SLC17A4: variants seen among roughly 807,000 people sequenced by gnomAD.
SLC17A4 encodes the protein probable small intestine urate exporter.
In SLC17A4, 33 loss-of-function variants were observed where a neutral mutation model predicts 52.5. The ratio of observed to expected loss-of-function variants is 0.63; its 90% CI spans 0.48 to 0.84. The LOEUF (loss-of-function observed/expected upper bound fraction) is 0.84. Among genes scored for constraint, SLC17A4 ranks in the 40% least tolerant of loss-of-function variants. The pLI is 0.00. For missense variants in SLC17A4, 585 were observed against 597.1 expected, an observed-to-expected ratio of 0.98 and a Z score of 0.21; for synonymous variants, 225 against 216.2, an observed-to-expected ratio of 1.04 and a Z score of -0.36.
intron 1 of SLC17A4, among the ~76,000 whole-genome samples, 152 bp downstream of exon 1, chr6:25,754,933 G>A (rs1253946137): frequency 1.3e-5 from 2 of 151,974 alleles, no homozygotes; most frequent in Non-Finnish European, 2.9e-5. Context: ...GATAATTCTG[G>A]TAAGTGAGAA....
intron 2 of SLC17A4, among the ~76,000 whole-genome samples, chr6:25,765,060 T>C (rs905105978): frequency 6.6e-6 from 1 of 152,168 alleles, no homozygotes; most frequent in Non-Finnish European, 1.5e-5. Flanking sequence ...TGGGTGGCCC[T>C]GTGCAGGGGT....
chr6:25,757,378 G>C (rs1000781618), intron 1 of SLC17A4, among the ~76,000 whole-genome samples: 3 of 151,690 alleles, frequency 2.0e-5, no homozygotes, highest in African/African-American at 7.3e-5. Context: ...CATCTGCTTG[G>C]TGCTGTAACT....
At chr6:25,767,293 T>C (rs750899212) in intron 2 of SLC17A4, among the ~76,000 whole-genome samples, 1 of 152,244 alleles carries the variant, frequency 6.6e-6, no homozygotes, top group Middle Eastern at 3.4e-3. Context: ...GCAAAATACA[T>C]CATGTTTTTA....
chr6:25,777,026 T>C (rs1056939222), intron 10 of SLC17A4, 67 bp downstream of exon 10: 10 of 1,511,688 alleles, frequency 6.6e-6, no homozygotes, highest in Admixed American at 2.1e-5. Flanking sequence ...AAATCTACTC[T>C]GATGTGAAAG....
intron 1 of SLC17A4, among the ~76,000 whole-genome samples, chr6:25,761,262 G>A (rs1343208309): frequency 6.6e-6 from 1 of 152,306 alleles, no homozygotes; most frequent in African/African-American, 2.4e-5. Flanking sequence ...AAGGGGAAGA[G>A]CCTCTGTAAC....
chr6:25,779,670 G>T lies in SLC17A4; in HGVS notation c.*482G>T, dbSNP rs1004011611. On this transcript the variant is annotated 3_prime_UTR_variant, in exon 12 of 12. Transcript: ENST00000377905. The stretch of plus-strand genomic sequence containing the variant: ...TTCCATCATGATAAGAGGAATGAAC[G>T]TGTCTGCAACTAATGGGAGCAAGAT... 1 of 153,798 alleles carries T rather than the reference G, an allele frequency of 6.5e-6. No individual in the cohort carries two copies. The highest frequency in any genetic ancestry group is 2.4e-5 in the African/African-American group (1 of 41,458). The allele number at this position is 153,798 out of a possible 1,614,324, so 9.5% of individuals were successfully genotyped here.
rs1763193257 is a variant in SLC17A4, at chr6:25,779,349, A to G, written c.*161A>G. 4 of 904,482 alleles carry G rather than the reference A, an allele frequency of 4.4e-6. No individual in the cohort carries two copies. The Admixed American group carries it at 8.9e-5, about 20-fold the overall frequency. The allele number at this position is 904,482 out of a possible 1,614,324, so 56.0% of individuals were successfully genotyped here. ...GCCTGGAAATTTTACAGGGGAAGAA[A>G]ACACGCTAGTTATTTAACTGCAAGC... is the stretch of plus-strand genomic sequence containing the variant. On this transcript the variant is annotated 3_prime_UTR_variant, in exon 12 of 12. Transcript: ENST00000377905.
At chr6:25,777,370 G>A (rs889767851) in intron 10 of SLC17A4, 1 of 169,080 alleles carries the variant, frequency 5.9e-6, no homozygotes, top group Non-Finnish European at 1.3e-5. Flanking sequence ...AAAAACAGTT[G>A]ACTGAGACTT....
chr6:25,770,859 T>G, intron 5 of SLC17A4, 67 bp from the exon 6 acceptor site: 1 of 1,237,108 alleles, frequency 8.1e-7, no homozygotes, highest in South Asian at 1.2e-5. Flanking sequence ...AACTCAGCAT[T>G]GTAGAAAGCA....
intron 3 of SLC17A4, 82 bp from the exon 4 acceptor site, chr6:25,769,985 T>A: frequency 8.4e-7 from 1 of 1,185,584 alleles, no homozygotes; most frequent in Non-Finnish European, 1.2e-6. Context: ...AACTGCCAAT[T>A]AATTTTTGCC....
At chr6:25,773,776 A>G in intron 8 of SLC17A4, 102 bp downstream of exon 8, 4 of 1,294,484 alleles carry the variant, frequency 3.1e-6, no homozygotes, top group Non-Finnish European at 3.2e-6. Flanking sequence ...AAATCGGGGG[A>G]TTAGGACCAG....
intron 2 of SLC17A4, among the ~76,000 whole-genome samples, chr6:25,764,003 CT>C (rs1761783085): frequency 6.6e-6 from 1 of 152,220 alleles, no homozygotes; most frequent in African/African-American, 2.4e-5. Context: ...AGGTTGGTTA[CT>C]TTCAGAAAAT....
At chr6:25,766,902 T>C (rs1054818509) in intron 2 of SLC17A4, among the ~76,000 whole-genome samples, 3 of 152,192 alleles carry the variant, frequency 2.0e-5, no homozygotes, top group Non-Finnish European at 4.4e-5. Context: ...TGGCTCCCTA[T>C]ATGGGATTCT....
intron 8 of SLC17A4, among the ~76,000 whole-genome samples, chr6:25,773,955 T>C (rs78143405): frequency 0.058 from 8,778 of 152,244 alleles, 457 homozygotes; most frequent in African/African-American, 0.14. Flanking sequence ...ATTTATCATA[T>C]TTTAAGGGCC....
intron 1 of SLC17A4, among the ~76,000 whole-genome samples, chr6:25,757,870 G>A (rs1372851908): frequency 6.6e-6 from 1 of 152,188 alleles, no homozygotes; most frequent in East Asian, 1.9e-4. Context: ...AGCAGTTAGG[G>A]TTCCTTTCTC....
chr6:25,760,697 A>T (rs1055688984), intron 1 of SLC17A4, among the ~76,000 whole-genome samples: 4 of 152,200 alleles, frequency 2.6e-5, no homozygotes, highest in African/African-American at 9.6e-5. Flanking sequence ...TACAATTTAC[A>T]TAGCTCATTA....
In SLC17A4 at chr6:25,775,917, C is replaced by T. The variant is rs184737240; in HGVS notation, c.988-678C>T. 2.0e-4 allele frequency among the ~76,000 whole-genome samples: 30 copies of T among 152,248 alleles called. No individual in the cohort carries two copies. The East Asian group carries it at 3.5e-3, about 18-fold the overall frequency. On this transcript the variant is annotated intron_variant, in intron 8 of 11. Coordinates refer to ENST00000377905, the MANE Select transcript of SLC17A4 (RefSeq NM_005495.3). ...TTCATATCAGTACATGAGAACCTTGCTGAGCAGTATTTGGATTGTTTCCCA... is the reference window on the plus strand; with the variant it reads ...TTCATATCAGTACATGAGAACCTTGTTGAGCAGTATTTGGATTGTTTCCCA...
intron 1 of SLC17A4, among the ~76,000 whole-genome samples, chr6:25,761,577 T>C (rs998855523): frequency 1.3e-5 from 2 of 152,212 alleles, no homozygotes; most frequent in Non-Finnish European, 2.9e-5. Flanking sequence ...CACTGGAATC[T>C]CCTAGATGAA....
At chr6:25,756,859 T>G (rs895261122) in intron 1 of SLC17A4, among the ~76,000 whole-genome samples, 10 of 152,216 alleles carry the variant, frequency 6.6e-5, no homozygotes, top group Non-Finnish European at 1.5e-4. Flanking sequence ...AGAGTCTGTG[T>G]GGGTATAGCT....
Sources: allele counts gnomAD v4.1 joint callset (sites outside exome capture counted in the v4.1 genomes callset), GRCh38; gene constraint gnomAD v4.1.1; transcripts MANE v1.5; gene names NCBI Gene and HGNC (gene_info 2026-07-23, HGNC 2026-07-21).